SLC9A4: variants seen among roughly 807,000 people sequenced by gnomAD.
The protein encoded by SLC9A4 is solute carrier family 9 member A4.
Under a neutral mutation model 67.4 loss-of-function variants are expected in SLC9A4, and 63 were observed. The ratio of observed to expected loss-of-function variants is 0.93; its 90% CI spans 0.76 to 1.15. SLC9A4 has a LOEUF of 1.15. Among genes scored for constraint, SLC9A4 ranks in the 50% most tolerant of loss-of-function variants. The pLI, the probability that SLC9A4 is intolerant of heterozygous loss-of-function variation, is 0.00. For missense variants in SLC9A4, 1,089 were observed against 987.7 expected, an observed-to-expected ratio of 1.10 and a Z score of -1.38; for synonymous variants, 393 against 367.2, an observed-to-expected ratio of 1.07 and a Z score of -0.80.
At chr2:102,490,528 C>T (rs1287713795) in intron 2 of SLC9A4, among the ~76,000 whole-genome samples, 1 of 152,164 alleles carries the variant, frequency 6.6e-6, no homozygotes, top group African/African-American at 2.4e-5. Context: ...CCCTTATGAT[C>T]TCATTTTAAC....
rs200160620 is a variant in SLC9A4 at position 102,525,160 on chromosome 2, A to G, written c.1950+5A>G. ...AGCCTGCCCTGGGGAAAGCCGGTAC[A>G]TTGGGGCTGGGGACTGGGACATTCC... On this transcript the variant is annotated splice_donor_5th_base_variant and intron_variant, in intron 10 of 11. Coordinates refer to ENST00000295269, the MANE Select transcript of SLC9A4 (RefSeq NM_001011552.4). 6.2e-7 allele frequency: 1 copy of G among 1,613,886 alleles called. No individual in the cohort carries two copies. The highest frequency in any genetic ancestry group is 1.7e-5 in the Admixed American group (1 of 60,016).
Position 102,473,916 on chromosome 2 carries a change from C to A in SLC9A4, c.157C>A (p.Pro53Thr). ...TTGGTTTGCTGCTGCCAGCTCAGAG[C>A]CAGAGGAAGGGATATCTGTTTTTGA... Reference protein sequence around the residue: ...NAWFAAASSEPEEGISVFELD... With the variant: ...NAWFAAASSETEEGISVFELD... The change falls in exon 1 of 12, where the codon CCA becomes ACA. Residue 53 changes from proline to threonine, a missense_variant. By Grantham distance (38) the Pro-to-Thr change is conservative. Coordinates refer to ENST00000295269, the MANE Select transcript of SLC9A4 (RefSeq NM_001011552.4). The A allele has an allele frequency of 6.2e-7, 1 of 1,614,034 alleles. No homozygotes were observed. Among genetic ancestry groups the A allele is most frequent in the East Asian group, 2.2e-5 (1 of 44,874 alleles).
chr2:102,503,565 T>C lies in SLC9A4; in HGVS notation c.838T>C (p.Phe280Leu), dbSNP rs753827935. 1 of 1,614,206 alleles carries C rather than the reference T, an allele frequency of 6.2e-7. No homozygotes were observed. Among genetic ancestry groups the C allele is most frequent in the South Asian group, 1.1e-5 (1 of 91,072 alleles). ...FIVVGLGGVL[F>L]GIVFGFISAF... Reference sequence around the variant, plus strand: ...CGTTGTGGGGCTTGGAGGGGTATTGTTTGGCATCGTTTTTGGATTTATTTC... The same window carrying C: ...CGTTGTGGGGCTTGGAGGGGTATTGCTTGGCATCGTTTTTGGATTTATTTC... The change falls in exon 3 of 12, where the codon TTT becomes CTT. Residue 280 changes from phenylalanine (F) to leucine (L), a missense_variant. Physicochemically the swap from Phe to Leu is conservative, Grantham distance 22. Transcript: ENST00000295269.
chr2:102,481,718 T>C (rs1403117050), intron 2 of SLC9A4, among the ~76,000 whole-genome samples: 1 of 152,176 alleles, frequency 6.6e-6, no homozygotes, highest in Non-Finnish European at 1.5e-5. Context: ...GATTATGGTA[T>C]ATTTTACCCT....
Position 102,473,667 on chromosome 2 carries a change from C to G in SLC9A4, c.-93C>G. 6.6e-7 allele frequency: 1 copy of G among 1,506,750 alleles called. No individual in the cohort carries two copies. The highest frequency in any genetic ancestry group is 8.9e-7 in the Non-Finnish European group (1 of 1,120,232). 93.3% of individuals were successfully genotyped at this position (1,506,750 alleles called of 1,614,324 possible). On this transcript the variant is annotated 5_prime_UTR_variant, in exon 1 of 12. Coordinates refer to ENST00000295269, the MANE Select transcript of SLC9A4 (RefSeq NM_001011552.4). Reference sequence around the variant, plus strand: ...AGACTGTACCTATATTACTTTTGACCCAGGTGGATGCAGTCACTCTCTAGA... The same window carrying G: ...AGACTGTACCTATATTACTTTTGACGCAGGTGGATGCAGTCACTCTCTAGA...
chr2:102,532,677 C>T lies in SLC9A4; in HGVS notation c.2386C>T (p.Gln796Ter), dbSNP rs1674804298. 3 of 1,587,218 alleles carry T rather than the reference C, an allele frequency of 1.9e-6. No homozygotes were observed. The highest frequency in any genetic ancestry group is 1.7e-4 in the Middle Eastern group (1 of 5,788). ...DHHRSHSPLL[Q>*]KK ...TCACAGGTCCCATAGTCCTTTGCTC[C>T]AAAAAAAATAGTGTTATTGTCCACA... Residue 796 changes from glutamine to a stop codon, truncating the protein, a stop_gained, in exon 12 of 12, where the codon CAA becomes TAA. Transcript: ENST00000295269. LOFTEE classifies it high-confidence loss of function.
At position 102,508,900 on chromosome 2, in the gene SLC9A4, A is replaced by G; in HGVS notation, c.1455A>G (p.Lys485=). The G allele has an allele frequency of 6.2e-7, 1 of 1,613,164 alleles. No individual in the cohort carries two copies. Among genetic ancestry groups the G allele is most frequent in the East Asian group, 2.2e-5 (1 of 44,830 alleles). The change falls in exon 6 of 12, where the codon AAA becomes AAG. Residue 485 remains lysine (K), a synonymous_variant. Coordinates refer to ENST00000295269, the MANE Select transcript of SLC9A4 (RefSeq NM_001011552.4). ...VRYLDVKKTN[K]KESINEELHI... ...ACCTGGATGTTAAAAAAACCAATAAAAAAGAATCCATCAATGAAGAGCTTC... is the reference window on the plus strand; with the variant it reads ...ACCTGGATGTTAAAAAAACCAATAAGAAAGAATCCATCAATGAAGAGCTTC...
rs767158033 is a variant in SLC9A4, at chr2:102,519,956, G to C, written c.1818+1G>C. The C allele has an allele frequency of 1.2e-6, 2 of 1,612,964 alleles. No individual in the cohort carries two copies. Among genetic ancestry groups the C allele is most frequent in the Non-Finnish European group, 1.7e-6 (2 of 1,179,178 alleles). ...CAACATGTACCAAGTTCGGCAAAGG[G>C]TGTGTATGAGCCACCTGTGTTGTCC... On this transcript the variant is annotated splice_donor_variant, in intron 9 of 11. Transcript: ENST00000295269. LOFTEE classifies it high-confidence loss of function.
intron 2 of SLC9A4, among the ~76,000 whole-genome samples, chr2:102,499,378 G>C (rs1684876208): frequency 6.6e-6 from 1 of 152,138 alleles, no homozygotes; most frequent in South Asian, 2.1e-4. Context: ...CTTTTGTGGG[G>C]GTTTCCCTTT....
At chr2:102,513,518 G>T (rs1172133722) in intron 7 of SLC9A4, among the ~76,000 whole-genome samples, 1 of 152,188 alleles carries the variant, frequency 6.6e-6, no homozygotes, top group Non-Finnish European at 1.5e-5. Flanking sequence ...CATCAGTCTC[G>T]CCTATTCAGA....
chr2:102,480,980 G>A (rs183671668), intron 2 of SLC9A4, among the ~76,000 whole-genome samples: 1 of 152,294 alleles, frequency 6.6e-6, no homozygotes, highest in East Asian at 1.9e-4. Context: ...GGTTCTCACA[G>A]GAGGAGATGA....
At chr2:102,512,509 T>C (rs1170076468) in intron 7 of SLC9A4, among the ~76,000 whole-genome samples, 1 of 152,112 alleles carries the variant, frequency 6.6e-6, no homozygotes, top group Non-Finnish European at 1.5e-5. Flanking sequence ...CTGGTACAGC[T>C]AGTGGGTAGA....
At position 102,505,379 on chromosome 2, in the gene SLC9A4, T is replaced by C; in HGVS notation, c.1106T>C (p.Phe369Ser). The change falls in exon 4 of 12, where the codon TTC (phenylalanine) becomes TCC (serine). Residue 369 changes from phenylalanine (F) to serine (S), a missense_variant. Physicochemically the swap from Phe to Ser is radical, Grantham distance 155. Transcript: ENST00000295269. ...SSVSETLIFI[F>S]MGVSTVGKNH... ...GTCAGCGAGACCTTGATCTTCATCT[T>C]CATGGGTGTGTCCACTGTGGGCAAG... 2 of 1,614,242 alleles carry C rather than the reference T, an allele frequency of 1.2e-6. No individual in the cohort carries two copies. Among genetic ancestry groups the C allele is most frequent in the Non-Finnish European group, 1.7e-6 (2 of 1,180,044 alleles).
At chr2:102,482,192 G>A (rs938495828) in intron 2 of SLC9A4, among the ~76,000 whole-genome samples, 3 of 152,180 alleles carry the variant, frequency 2.0e-5, no homozygotes, top group African/African-American at 4.8e-5. Flanking sequence ...ATTTCTCAGA[G>A]TCTGGTCCTC....
intron 1 of SLC9A4, 50 bp from the exon 2 acceptor site, chr2:102,478,789 C>T (rs750097152): frequency 4.7e-5 from 73 of 1,569,832 alleles, no homozygotes; most frequent in Non-Finnish European, 5.9e-5. Context: ...CTCAGGTACA[C>T]CCAGACCGTT....
At chr2:102,529,812 C>G (rs573162690) in intron 11 of SLC9A4, among the ~76,000 whole-genome samples, 1 of 152,266 alleles carries the variant, frequency 6.6e-6, no homozygotes, top group African/African-American at 2.4e-5. Flanking sequence ...CAGGACTTTT[C>G]TTGTTCTGGA....
Position 102,532,563 on chromosome 2 carries a change from G to A in SLC9A4, c.2272G>A (p.Gly758Ser), listed in dbSNP as rs745838210. ...TCTGTTTCATGCAGTGGATGAGGAG[G>A]GTGAGTCTGGAGGGGAGAGTGAGGG... is the stretch of plus-strand genomic sequence containing the variant. Reference protein sequence around the residue: ...KPLFHAVDEEGESGGESEGKA... With the variant: ...KPLFHAVDEESESGGESEGKA... Residue 758 changes from glycine to serine, a missense_variant, in exon 12 of 12, where the codon GGT becomes AGT. Coordinates refer to ENST00000295269, the MANE Select transcript of SLC9A4 (RefSeq NM_001011552.4). The A allele has an allele frequency of 1.7e-5, 28 of 1,613,998 alleles. No homozygotes were observed. The highest frequency in any genetic ancestry group is 2.0e-5 in the Non-Finnish European group (24 of 1,180,004).
At chr2:102,501,314 T>C (rs900983560) in intron 2 of SLC9A4, among the ~76,000 whole-genome samples, 2 of 152,238 alleles carry the variant, frequency 1.3e-5, no homozygotes, top group Non-Finnish European at 1.5e-5. Context: ...AGAGATACGG[T>C]TTCACCACGT....
At chr2:102,510,867 T>C (rs1685152652) in intron 6 of SLC9A4, among the ~76,000 whole-genome samples, 1 of 152,202 alleles carries the variant, frequency 6.6e-6, no homozygotes, top group Non-Finnish European at 1.5e-5. Context: ...TTTGTTCAAG[T>C]TCAGCACAAC....
Sources: gnomAD v4.1 joint callset for allele counts (sites outside exome capture counted in the v4.1 genomes callset) on GRCh38, gnomAD v4.1.1 for gene constraint, MANE v1.5 for transcripts, NCBI Gene and HGNC (gene_info 2026-07-23, HGNC 2026-07-21) for gene names.